The following USP34 variants were observed in gnomAD, a reference collection of about 807,000 sequenced individuals.
USP34 encodes the protein ubiquitin carboxyl-terminal hydrolase 34.
A neutral mutation model predicts 460.3 loss-of-function variants in USP34; 70 were observed. That is an observed-to-expected ratio of 0.15 (90% CI 0.13 to 0.19). The LOEUF (loss-of-function observed/expected upper bound fraction) is 0.19, where lower values mean the gene tolerates loss of function less well. Ranked by LOEUF, USP34 falls within the 10% of genes least tolerant of loss-of-function variation. The pLI, the probability that USP34 is intolerant of heterozygous loss-of-function variation, is 1.00. For missense variants in USP34, 3,985 were observed against 4,236.2 expected (o/e 0.94, Z 1.65); for synonymous variants, 1,647 against 1,405.3 (o/e 1.17, Z -3.85).
intron 1 of USP34, among the ~76,000 whole-genome samples, chr2:61,435,333 C>A (rs1442978340): frequency 0.014 from 852 of 62,452 alleles, 7 homozygotes; most frequent in African/African-American, 0.049. Flanking sequence ...AAAAAAAGAA[C>A]TCTAAAAGCA....
chr2:61,235,202 T>C (rs1268948578), intron 57 of USP34, among the ~76,000 whole-genome samples: 1 of 152,208 alleles, frequency 6.6e-6, no homozygotes, highest in African/African-American at 2.4e-5. Flanking sequence ...TTTGTATACC[T>C]TGAATATATA....
intron 27 of USP34, 125 bp from the exon 28 acceptor site, chr2:61,301,579 A>C (rs1019133904): frequency 6.1e-6 from 5 of 825,472 alleles, no homozygotes; most frequent in South Asian, 1.8e-5. Flanking sequence ...TAAGGTAAAG[A>C]CAGAAAACTC....
intron 1 of USP34, among the ~76,000 whole-genome samples, chr2:61,432,487 A>C (rs1694706750): frequency 6.6e-6 from 1 of 152,054 alleles, no homozygotes; most frequent in Admixed American, 6.6e-5. Flanking sequence ...ATAAATACGT[A>C]AACAAACAAA....
At chr2:61,344,967 T>C (rs1194950404) in intron 15 of USP34, among the ~76,000 whole-genome samples, 1 of 149,108 alleles carries the variant, frequency 6.7e-6, no homozygotes, top group Non-Finnish European at 1.5e-5. Flanking sequence ...TACATTCAAA[T>C]AAAAAAAAAA....
At chr2:61,301,661 C>A (rs1304467097) in intron 27 of USP34, among the ~76,000 whole-genome samples, 1 of 152,142 alleles carries the variant, frequency 6.6e-6, no homozygotes, top group Non-Finnish European at 1.5e-5. Flanking sequence ...ACTTCATTTC[C>A]CACCATCTTC....
intron 10 of USP34, among the ~76,000 whole-genome samples, chr2:61,351,585 A>C (rs1691943589): frequency 6.6e-6 from 1 of 152,176 alleles, no homozygotes; most frequent in African/African-American, 2.4e-5. Context: ...CCTACTTTTA[A>C]TACATAAAAA....
intron 1 of USP34, among the ~76,000 whole-genome samples, chr2:61,459,978 C>T (rs1156440135): frequency 6.6e-6 from 1 of 152,106 alleles, no homozygotes; most frequent in Non-Finnish European, 1.5e-5. Context: ...AGGAGAATGG[C>T]GTCAACCCAG....
chr2:61,223,472 A>G (rs1291735716), intron 62 of USP34, 176 bp from the exon 63 acceptor site: 5 of 612,064 alleles, frequency 8.2e-6, no homozygotes, highest in Non-Finnish European at 1.4e-5. Flanking sequence ...ACTTTTCAAC[A>G]TTCCAGGATT....
chr2:61,196,069 ATTTTTTTTTTTTTTTTTTT>A (rs71403398), intron 75 of USP34, among the ~76,000 whole-genome samples: 1 of 41,576 alleles, frequency 2.4e-5, no homozygotes, highest in Admixed American at 3.9e-4. Context: ...ACCATGCACG[ATTTTTTTTTTTTTTTTTTT>A]TTTTTTTTTT....
At chr2:61,203,104 A>G in intron 75 of USP34, 36 bp downstream of exon 75, 7 of 1,508,780 alleles carry the variant, frequency 4.6e-6, no homozygotes, top group South Asian at 1.4e-5. Flanking sequence ...GCTTAAAATA[A>G]TTCAGTGGAA....
chr2:61,220,463 A>G lies in USP34; in HGVS notation c.7900-6T>C. The G allele has an allele frequency of 6.2e-7, 1 of 1,604,758 alleles. No homozygotes were observed. The highest frequency in any genetic ancestry group is 8.5e-7 in the Non-Finnish European group (1 of 1,176,434). On this transcript the variant is annotated splice_region_variant and splice_polypyrimidine_tract_variant and intron_variant, in intron 66 of 79. Coordinates refer to ENST00000398571, the MANE Select transcript of USP34 (RefSeq NM_014709.4). ...GAAGGATTGTATTCAATCACCTACA[A>G]ATAACATGACAAGAACAGAATATAA...
chr2:61,299,090 T>C (rs1277213666), intron 29 of USP34, among the ~76,000 whole-genome samples: 1 of 152,088 alleles, frequency 6.6e-6, no homozygotes, highest in Non-Finnish European at 1.5e-5. Flanking sequence ...TTAATGATTA[T>C]TCTGCTTGAA....
intron 41 of USP34, among the ~76,000 whole-genome samples, chr2:61,268,931 C>T (rs1026130890): frequency 1.3e-5 from 2 of 152,056 alleles, no homozygotes; most frequent in Non-Finnish European, 2.9e-5. Context: ...CTTCAATTGC[C>T]ATGTCCTAAT....
intron 2 of USP34, chr2:61,417,517 A>G (rs2103964556): frequency 9.8e-6 from 2 of 204,120 alleles, no homozygotes; most frequent in Middle Eastern, 7.6e-4. Context: ...ACCATGAAGT[A>G]TAATTTTTGT....
chr2:61,241,201 G>A (rs754232383), intron 53 of USP34, among the ~76,000 whole-genome samples: 4 of 151,860 alleles, frequency 2.6e-5, no homozygotes, highest in Non-Finnish European at 5.9e-5. Flanking sequence ...CCACCACCAC[G>A]CTCGGCTACT....
At chr2:61,196,532 ATTTT>A (rs76749154) in intron 75 of USP34, among the ~76,000 whole-genome samples, 1 of 145,598 alleles carries the variant, frequency 6.9e-6, no homozygotes, top group Non-Finnish European at 1.5e-5. Flanking sequence ...GCCCTAAACA[ATTTT>A]TTTTTTTTCC....
chr2:61,362,697 A>G (rs1291903650), intron 10 of USP34, among the ~76,000 whole-genome samples: 1 of 152,188 alleles, frequency 6.6e-6, no homozygotes, highest in Non-Finnish European at 1.5e-5. Flanking sequence ...AAATGAGTAA[A>G]TTCTGGAGAT....
Position 61,204,305 on chromosome 2 carries a change from C to T in USP34, c.9335G>A (p.Arg3112His), listed in dbSNP as rs575997847. 9.0e-5 allele frequency: 145 copies of T among 1,614,134 alleles called. No homozygotes were observed. The highest frequency in any genetic ancestry group is 1.1e-4 in the Non-Finnish European group (134 of 1,180,030). Residue 3112 changes from arginine to histidine, a missense_variant, in exon 74 of 80, where the codon CGC becomes CAC. Physicochemically the swap from Arg to His is conservative, Grantham distance 29. Coordinates refer to ENST00000398571, the MANE Select transcript of USP34 (RefSeq NM_014709.4). Reference sequence around the variant, plus strand: ...CAAGAGGCACATATTGAGTTCAGGGCGCGGAGGCCGAATATTGCTTTTCCC... The same window carrying T: ...CAAGAGGCACATATTGAGTTCAGGGTGCGGAGGCCGAATATTGCTTTTCCC... ...IGGKSNIRPP[R>H]PELNMCLLPT...
At chr2:61,469,626 T>TA (rs1270787539) in intron 1 of USP34, among the ~76,000 whole-genome samples, 3 of 152,214 alleles carry the variant, frequency 2.0e-5, no homozygotes, top group Non-Finnish European at 4.4e-5. Context: ...TCAACTGTTT[T>TA]AGCGAATTGT....
Sources: allele counts gnomAD v4.1 joint callset (sites outside exome capture counted in the v4.1 genomes callset), GRCh38; gene constraint gnomAD v4.1.1; transcripts MANE v1.5; gene names NCBI Gene and HGNC (gene_info 2026-07-23, HGNC 2026-07-21).